DUSP22: variants seen among roughly 807,000 people sequenced by gnomAD.
The protein encoded by DUSP22 is dual specificity protein phosphatase 22.
DUSP22 carries 24 observed loss-of-function variants against 24.5 expected under a neutral mutation model. The observed-to-expected ratio is 0.98, with a 90% CI of 0.71 to 1.38. DUSP22 has a LOEUF of 1.38. DUSP22 is among the 40% of genes most tolerant of loss of function. DUSP22 has a pLI of 0.00. For missense variants in DUSP22, 330 were observed against 269.2 expected, an observed-to-expected ratio of 1.23 and a Z score of -1.58; for synonymous variants, 160 against 106.4, an observed-to-expected ratio of 1.50 and a Z score of -3.10.
intron 2 of DUSP22, among the ~76,000 whole-genome samples, chr6:308,498 T>C (rs899295174): frequency 2.0e-5 from 3 of 152,300 alleles, no homozygotes; most frequent in African/African-American, 7.2e-5. Flanking sequence ...GCGAACACGG[T>C]GCTAGCGTGC....
At position 348,118 on chromosome 6, in the gene DUSP22, C is replaced by T. The variant is rs1421898891; in HGVS notation, c.279C>T (p.Ser93=). Residue 93 remains serine (S), a synonymous_variant, in exon 6 of 7, where the codon TCC becomes TCT. Transcript: ENST00000419235. ...GGCCCCGCAGCCTGGCCGGGGTCTCCAGGAGCGTGACACTGGTGATCGCAT... is the reference window on the plus strand; with the variant it reads ...GGCCCCGCAGCCTGGCCGGGGTCTCTAGGAGCGTGACACTGGTGATCGCAT... ...SCLVHCLAGV[S]RSVTLVIAYI... The T allele has an allele frequency of 1.2e-5, 19 of 1,614,128 alleles. No individual in the cohort carries two copies. The highest frequency in any genetic ancestry group is 3.3e-5 in the Admixed American group (2 of 60,016).
chr6:337,584 T>C (rs1561675707), intron 4 of DUSP22, among the ~76,000 whole-genome samples: 1 of 152,304 alleles, frequency 6.6e-6, no homozygotes, highest in Non-Finnish European at 1.5e-5. Flanking sequence ...CCAGCCTAAT[T>C]CCAGTCACCT....
Position 328,860 on chromosome 6 carries a change from T to C in DUSP22, c.139-6254T>C, listed in dbSNP as rs535004208. ...GTCTTGTCTGCTGGACCTTGCCTAT[T>C]TTTTGTGTTGACTTCCAGTACTTAG... On this transcript the variant is annotated intron_variant, in intron 3 of 6. Coordinates refer to ENST00000419235, the MANE Select transcript of DUSP22 (RefSeq NM_001286555.3). 3.0e-4 allele frequency among the ~76,000 whole-genome samples: 46 copies of C among 152,410 alleles called. No individual in the cohort carries two copies. The South Asian group carries it at 9.3e-3, about 31-fold the overall frequency.
intron 3 of DUSP22, among the ~76,000 whole-genome samples, chr6:318,307 A>G (rs1758426056): frequency 6.6e-6 from 1 of 152,426 alleles, no homozygotes; most frequent in South Asian, 2.1e-4. Context: ...GCCCCATGCC[A>G]GGGTTGGCAC....
At chr6:343,003 G>A (rs184969365) in intron 4 of DUSP22, among the ~76,000 whole-genome samples, 37 of 152,420 alleles carry the variant, frequency 2.4e-4, no homozygotes, top group South Asian at 6.2e-4. Flanking sequence ...CTGGGGGCCA[G>A]GCTCCTGCCC....
chr6:351,056 T>C lies in DUSP22; in HGVS notation c.*2105T>C. On this transcript the variant is annotated 3_prime_UTR_variant, in exon 7 of 7. Coordinates refer to ENST00000419235, the MANE Select transcript of DUSP22 (RefSeq NM_001286555.3). ...TATTCTTTAGCAAGAGAAAATATTT[T>C]CCCCTTATCCCCACTGCTGTGGAGG... 2 of 905,604 alleles carry C rather than the reference T, an allele frequency of 2.2e-6. No homozygotes were observed. The highest frequency in any genetic ancestry group is 2.7e-5 in the Admixed American group (1 of 36,758). The allele number at this position is 905,604 out of a possible 1,614,324, so 56.1% of individuals were successfully genotyped here.
At chr6:320,819 G>A (rs565189248) in intron 3 of DUSP22, among the ~76,000 whole-genome samples, 1 of 152,304 alleles carries the variant, frequency 6.6e-6, no homozygotes, top group East Asian at 1.9e-4. Flanking sequence ...GTCAGTACGG[G>A]TGAGGGTGGT....
chr6:311,618 T>C (rs1758099160), intron 2 of DUSP22, among the ~76,000 whole-genome samples: 1 of 152,266 alleles, frequency 6.6e-6, no homozygotes, highest in African/African-American at 2.4e-5. Context: ...AGGCGGAGCT[T>C]GCAGTGAGCC....
chr6:313,503 G>GT (rs201593050), intron 3 of DUSP22, among the ~76,000 whole-genome samples: 547 of 152,198 alleles, frequency 3.6e-3, no homozygotes, highest in African/African-American at 0.011. Context: ...GGCAAACTGT[G>GT]TTCCCGACAC....
At chr6:336,701 G>A (rs1173030793) in intron 4 of DUSP22, among the ~76,000 whole-genome samples, 1 of 152,308 alleles carries the variant, frequency 6.6e-6, no homozygotes, top group Non-Finnish European at 1.5e-5. Flanking sequence ...TCACAGAAAG[G>A]TGAACGTTTA....
intron 1 of DUSP22, among the ~76,000 whole-genome samples, chr6:298,088 G>A (rs1204239291): frequency 6.6e-6 from 1 of 152,306 alleles, no homozygotes; most frequent in Non-Finnish European, 1.5e-5. Flanking sequence ...ATGCCGGTGG[G>A]CTCTGGTTCC....
intron 3 of DUSP22, among the ~76,000 whole-genome samples, chr6:314,655 G>A (rs1328307700): frequency 6.6e-6 from 1 of 152,302 alleles, no homozygotes; most frequent in Non-Finnish European, 1.5e-5. Flanking sequence ...CAGTTGTGTT[G>A]TCGGAATAAA....
chr6:331,168 G>A (rs977039328), intron 3 of DUSP22, among the ~76,000 whole-genome samples: 5 of 152,300 alleles, frequency 3.3e-5, no homozygotes, highest in Admixed American at 1.3e-4. Context: ...GTAACTTGAC[G>A]TTTAATAGCC....
intron 4 of DUSP22, 95 bp from the exon 5 acceptor site, chr6:345,759 T>C: frequency 6.8e-7 from 1 of 1,465,736 alleles, no homozygotes. Flanking sequence ...AAAAATCAAT[T>C]AACATTTTAA....
chr6:343,878 A>G (rs1439082067), intron 4 of DUSP22, among the ~76,000 whole-genome samples: 1 of 152,418 alleles, frequency 6.6e-6, no homozygotes, highest in African/African-American at 2.4e-5. Flanking sequence ...TGAATGTCTT[A>G]CAGTTTATCA....
intron 3 of DUSP22, among the ~76,000 whole-genome samples, chr6:327,312 G>A (rs1049964013): frequency 2.0e-5 from 3 of 152,310 alleles, no homozygotes; most frequent in Admixed American, 2.0e-4. Context: ...GTCCAGCAGA[G>A]CCCCATTTAC....
chr6:320,426 G>T (rs957461463), intron 3 of DUSP22: 1 of 152,994 alleles, frequency 6.5e-6, no homozygotes, highest in South Asian at 2.1e-4. Flanking sequence ...CCCTGTCCAC[G>T]TTGGGGAATG....
chr6:301,622 G>T (rs1160947585), intron 1 of DUSP22, among the ~76,000 whole-genome samples: 1 of 152,296 alleles, frequency 6.6e-6, no homozygotes, highest in Non-Finnish European at 1.5e-5. Context: ...TTGAGGCTCT[G>T]CGCAAGGCTG....
Position 348,232 on chromosome 6 carries a change from CCA to C in DUSP22, c.394_395del (p.Gln132GlufsTer7), listed in dbSNP as rs1759983448. Reference sequence around the variant, plus strand: ...CCTGTGCCAACCCCAACGTGGGCTTCCAGAGACAGCTCCAGGAGTTTGAGAAG... The same window carrying C: ...CCTGTGCCAACCCCAACGTGGGCTTCGAGACAGCTCCAGGAGTTTGAGAAG... ...RSCANPNVGF[Q>X]RQLQEFEKHE... On this transcript the variant is annotated frameshift_variant, in exon 6 of 7. Transcript: ENST00000419235. LOFTEE classifies it high-confidence loss of function. 5.6e-6 allele frequency: 9 copies of C among 1,614,192 alleles called. No individual in the cohort carries two copies. The highest frequency in any genetic ancestry group is 7.6e-6 in the Non-Finnish European group (9 of 1,180,060).
Sources: gnomAD v4.1 joint callset for allele counts (sites outside exome capture counted in the v4.1 genomes callset) on GRCh38, gnomAD v4.1.1 for gene constraint, MANE v1.5 for transcripts, NCBI Gene and HGNC (gene_info 2026-07-23, HGNC 2026-07-21) for gene names.